NRG2: variants seen among roughly 807,000 people sequenced by gnomAD.
NRG2 encodes neuregulin 2, also known as pro-neuregulin-2, membrane-bound isoform.
NRG2 carries 27 observed loss-of-function variants against 73.9 expected under a neutral mutation model. That is an observed-to-expected ratio of 0.37 (90% CI 0.27 to 0.50). The LOEUF is 0.50. Among genes scored for constraint, NRG2 ranks in the 20% least tolerant of loss-of-function variants. NRG2 has a pLI of 0.96. For missense variants in NRG2, 1,126 were observed against 1,210.1 expected, an observed-to-expected ratio of 0.93 and a Z score of 1.03; for synonymous variants, 532 against 541.0, an observed-to-expected ratio of 0.98 and a Z score of 0.23.
Position 139,887,430 on chromosome 5 carries a change from G to T in NRG2, c.782C>A (p.Ala261Asp), listed in dbSNP as rs746769312. Residue 261 changes from alanine to aspartate, a missense_variant, in exon 2 of 10, where the codon GCC (alanine) becomes GAC (aspartate). This residue lies in a region of NRG2 where 539 missense variants were observed against 703.2 expected (regional missense o/e 0.77). Transcript: ENST00000361474. This position sits in a 1 kb window ranked among gnomAD's most constrained non-coding sequence, Gnocchi z 4.5. ...EKQSLKCEAA[A>D]GNPQPSYRWF... ...ACGGTAGGAAGGCTGGGGATTACCG[G>T]CTGCTGCCTCACACTTCAGCGATTG... 1 of 1,614,254 alleles carries T rather than the reference G, an allele frequency of 6.2e-7. No individual in the cohort carries two copies. The highest frequency in any genetic ancestry group is 1.1e-5 in the South Asian group (1 of 91,088).
rs1434199770 is a variant in NRG2, at chr5:139,847,886, C to A, written c.*31G>T. ...TCTGGTCTCCTTAAAGATAGTGGGG[C>A]GGGCGGGGCGGAGGGGCGCGCGGCG... On this transcript the variant is annotated 3_prime_UTR_variant, in exon 10 of 10. Coordinates refer to ENST00000361474, the MANE Select transcript of NRG2 (RefSeq NM_004883.3). The A allele has an allele frequency of 8.9e-7, 1 of 1,126,850 alleles. No individual in the cohort carries two copies. Among genetic ancestry groups the A allele is most frequent in the African/African-American group, 1.7e-5 (1 of 58,360 alleles). 69.8% of individuals were successfully genotyped at this position (1,126,850 alleles called of 1,614,324 possible).
chr5:139,944,602 T>C (rs555951029), intron 1 of NRG2, among the ~76,000 whole-genome samples: 2 of 152,338 alleles, frequency 1.3e-5, no homozygotes, highest in Admixed American at 1.3e-4. Flanking sequence ...TTCCGTTTTA[T>C]GGCTGAATAG....
intron 1 of NRG2, among the ~76,000 whole-genome samples, chr5:139,998,442 A>G (rs1287477737): frequency 6.6e-6 from 1 of 152,194 alleles, no homozygotes; most frequent in Non-Finnish European, 1.5e-5. Context: ...CTGTGTTCCC[A>G]TCTACTGGCA....
chr5:139,938,228 A>G (rs1752992136), intron 1 of NRG2, among the ~76,000 whole-genome samples: 1 of 152,240 alleles, frequency 6.6e-6, no homozygotes, highest in Admixed American at 6.5e-5. Flanking sequence ...AATCTAATCA[A>G]ATCCCAGCAG....
intron 1 of NRG2, among the ~76,000 whole-genome samples, chr5:140,034,632 G>A: frequency 6.6e-6 from 1 of 152,012 alleles, no homozygotes; most frequent in East Asian, 1.9e-4. Flanking sequence ...ATAAGTGAAT[G>A]TATTCAGGTC....
chr5:139,848,243 A>AGCGCCGGGGCCCCGCCGACGTCC lies in NRG2; in HGVS notation c.2204_2226dup (p.Trp743GlyfsTer31). On this transcript the variant is annotated frameshift_variant, in exon 10 of 10. Coordinates refer to ENST00000361474, the MANE Select transcript of NRG2 (RefSeq NM_004883.3). LOFTEE classifies it high-confidence loss of function. ...AGCCCGTTGAGGCGCGAGCGGCGCC[A>AGCGCCGGGGCCCCGCCGACGTCC]GCGCCGGGGCCCCGCCGACGTCCTG... The AGCGCCGGGGCCCCGCCGACGTCC allele has an allele frequency of 1.8e-6, 2 of 1,138,332 alleles. No homozygotes were observed. Among genetic ancestry groups the AGCGCCGGGGCCCCGCCGACGTCC allele is most frequent in the Non-Finnish European group, 2.2e-6 (2 of 930,160 alleles). 70.5% of individuals were successfully genotyped at this position (1,138,332 alleles called of 1,614,324 possible).
intron 1 of NRG2, among the ~76,000 whole-genome samples, chr5:140,029,880 G>A (rs1489303743): frequency 6.6e-6 from 1 of 152,052 alleles, no homozygotes; most frequent in African/African-American, 2.4e-5. Flanking sequence ...GGAAAGAGGT[G>A]TGTCAGAAAA....
intron 1 of NRG2, among the ~76,000 whole-genome samples, chr5:139,952,549 C>A (rs1754289796): frequency 1.3e-5 from 2 of 152,172 alleles, no homozygotes; most frequent in South Asian, 4.1e-4. Context: ...AGATTCATAA[C>A]CTGGTTTCAA....
intron 1 of NRG2, among the ~76,000 whole-genome samples, chr5:140,010,066 G>A (rs762986614): frequency 2.0e-5 from 3 of 152,160 alleles, no homozygotes; most frequent in Non-Finnish European, 4.4e-5. Context: ...GAGAGGCCAA[G>A]GTGGGTGGAT....
At chr5:140,036,503 T>TAAATATA (rs1363466974) in intron 1 of NRG2, among the ~76,000 whole-genome samples, 2 of 152,232 alleles carry the variant, frequency 1.3e-5, no homozygotes, top group East Asian at 3.8e-4. Context: ...CTACTTTAAT[T>TAAATATA]AAATATAAAA....
Position 139,885,352 on chromosome 5 carries a change from C to T in NRG2, c.872+1988G>A, listed in dbSNP as rs116268419. On this transcript the variant is annotated intron_variant, in intron 2 of 9. Transcript: ENST00000361474. ...GCCCGGGGAGCAGGTATTCCCAGGC[C>T]GAGGCCGCTGAGAGGCCTGGAGGCC... 5.2e-3 allele frequency among the ~76,000 whole-genome samples: 790 copies of T among 152,250 alleles called. 9 individuals are homozygous for T. Among genetic ancestry groups the T allele is most frequent in the African/African-American group, 0.017 (691 of 41,546 alleles).
chr5:140,020,802 GTTA>G (rs1760160795), intron 1 of NRG2, among the ~76,000 whole-genome samples: 1 of 152,236 alleles, frequency 6.6e-6, no homozygotes, highest in Non-Finnish European at 1.5e-5. Flanking sequence ...TCAGAAAAGA[GTTA>G]GTTTATGTCA....
At chr5:139,922,104 C>T (rs1418862708) in intron 1 of NRG2, among the ~76,000 whole-genome samples, 2 of 151,288 alleles carry the variant, frequency 1.3e-5, no homozygotes, top group Non-Finnish European at 2.9e-5. Flanking sequence ...AAAAACTTCT[C>T]CTCTACAAAA....
rs1757705684 is a variant in NRG2 at position 139,992,421 on chromosome 5, T to C, written c.700+49949A>G. On this transcript the variant is annotated intron_variant, in intron 1 of 9. Transcript: ENST00000361474. ...TTTTTATGCAAATAATGACAAATAA[T>C]GCCAAAATGACCATTTAATTTCCTC... Among the ~76,000 whole-genome samples the C allele has an allele frequency of 2.6e-5, 4 of 152,198 alleles. 1 individual carries two copies. The highest frequency in any genetic ancestry group is 9.6e-5 in the African/African-American group (4 of 41,454).
chr5:139,855,762 G>A lies in NRG2; in HGVS notation c.1206C>T (p.Tyr402=). Residue 402 remains tyrosine (Y), a synonymous_variant, in exon 6 of 10, where the codon TAC becomes TAT. Transcript: ENST00000361474. The stretch of plus-strand genomic sequence containing the variant: ...CCGTGATGGTCAGGACCCTCTTCTG[G>A]TACAGCTCCTCGGCTTCTGCAGAGG... ...PDPKQKAEEL[Y]QKRVLTITGI... The A allele has an allele frequency of 1.2e-6, 2 of 1,613,980 alleles. No homozygotes were observed. Among genetic ancestry groups the A allele is most frequent in the Non-Finnish European group, 1.7e-6 (2 of 1,179,916 alleles).
In NRG2 at chr5:139,887,527, C is replaced by G. The variant is rs910687359; in HGVS notation, c.701-16G>C. ...GGCCGGGTGGCTGTGGGTTACAAGGCAGGTAGGTGAGCACGGTGGTGGTAG... is the reference window on the plus strand; with the variant it reads ...GGCCGGGTGGCTGTGGGTTACAAGGGAGGTAGGTGAGCACGGTGGTGGTAG... On this transcript the variant is annotated splice_polypyrimidine_tract_variant and intron_variant, in intron 1 of 9. Transcript: ENST00000361474. This position sits in a 1 kb window ranked among gnomAD's most constrained non-coding sequence, Gnocchi z 4.5. The G allele has an allele frequency of 9.3e-6, 15 of 1,612,878 alleles. No homozygotes were observed. Among genetic ancestry groups the G allele is most frequent in the Non-Finnish European group, 1.3e-5 (15 of 1,179,468 alleles).
intron 5 of NRG2, 80 bp from the exon 6 acceptor site, chr5:139,855,858 C>T: frequency 8.8e-7 from 1 of 1,133,662 alleles, no homozygotes; most frequent in East Asian, 2.4e-5. Flanking sequence ...CCCTTTGCCC[C>T]CAAAGCCATA....
intron 1 of NRG2, among the ~76,000 whole-genome samples, chr5:140,001,110 C>T (rs541919525): frequency 3.0e-4 from 45 of 152,288 alleles, no homozygotes; most frequent in Admixed American, 1.8e-3. Context: ...TGCTGCAGGC[C>T]CTGCTACTGG....
At chr5:139,916,153 T>C (rs73271460) in intron 1 of NRG2, among the ~76,000 whole-genome samples, 5,772 of 152,252 alleles carry the variant, frequency 0.038, 392 homozygotes, top group African/African-American at 0.13. Flanking sequence ...CTGCAGCCTC[T>C]GTGGGGTGCT....
Sources: gnomAD v4.1 joint callset for allele counts (sites outside exome capture counted in the v4.1 genomes callset) on GRCh38, gnomAD v4.1.1 for gene constraint, gnomAD v4.1.1 regional missense constraint, Gnocchi (gnomAD v3.1) non-coding constraint, MANE v1.5 for transcripts, NCBI Gene and HGNC (gene_info 2026-07-23, HGNC 2026-07-21) for gene names.